Variants in ASTN2 observed in about 807,000 individuals in gnomAD.
ASTN2 encodes astrotactin 2, also known as astrotactin-2.
ASTN2 carries 54 observed loss-of-function variants against 139.8 expected under a neutral mutation model. That is an observed-to-expected ratio of 0.39 (90% confidence interval 0.31 to 0.48). ASTN2 has a LOEUF of 0.48. ASTN2 is among the 20% of genes least tolerant of loss of function. ASTN2 has a pLI of 0.95. For synonymous variants in ASTN2, 756 were observed against 719.5 expected (o/e 1.05, Z -0.81); for missense variants, 1,565 against 1,725.1 (o/e 0.91, Z 1.64).
intron 19 of ASTN2, among the ~76,000 whole-genome samples, chr9:116,604,667 C>T (rs1248814179): frequency 1.3e-5 from 2 of 152,210 alleles, no homozygotes; most frequent in Non-Finnish European, 1.5e-5. Context: ...TGCTCCATCA[C>T]AGCCACTGCT....
intron 16 of ASTN2, among the ~76,000 whole-genome samples, chr9:116,715,475 C>T (rs1485805924): frequency 6.6e-6 from 1 of 152,148 alleles, no homozygotes; most frequent in Non-Finnish European, 1.5e-5. Flanking sequence ...TTCCTCCCCA[C>T]CTTCCCAGTT....
At chr9:116,805,870 C>A (rs151189152) in intron 12 of ASTN2, 50 bp from the exon 13 acceptor site, 68 of 1,577,476 alleles carry the variant, frequency 4.3e-5, no homozygotes, top group Non-Finnish European at 5.7e-5. Flanking sequence ...TGAATGCCCC[C>A]ATTGGGGGTG....
intron 2 of ASTN2, among the ~76,000 whole-genome samples, chr9:117,255,361 C>T (rs1833655979): frequency 6.6e-6 from 1 of 152,232 alleles, no homozygotes; most frequent in Non-Finnish European, 1.5e-5. Context: ...CTACCATGTG[C>T]TAAAGCACCT....
At chr9:116,995,688 T>C (rs929655979) in intron 7 of ASTN2, among the ~76,000 whole-genome samples, 3 of 152,160 alleles carry the variant, frequency 2.0e-5, no homozygotes. Context: ...ACTTCTAGGT[T>C]TCAAATCTAG....
chr9:116,576,290 C>T (rs1183149970), intron 19 of ASTN2, among the ~76,000 whole-genome samples: 1 of 152,166 alleles, frequency 6.6e-6, no homozygotes, highest in Non-Finnish European at 1.5e-5. Context: ...TCATGACAAC[C>T]TTGTGAATGG....
At chr9:116,573,456 T>A in intron 19 of ASTN2, among the ~76,000 whole-genome samples, 1 of 152,230 alleles carries the variant, frequency 6.6e-6, no homozygotes, top group East Asian at 1.9e-4. Flanking sequence ...TCTTATGAAT[T>A]TCTAAGAAAG....
intron 19 of ASTN2, among the ~76,000 whole-genome samples, chr9:116,549,032 T>C (rs1023273780): frequency 1.3e-5 from 2 of 152,206 alleles, no homozygotes; most frequent in African/African-American, 4.8e-5. Context: ...TTTTGGTCTT[T>C]AAAGTATCAT....
At chr9:116,940,762 G>A (rs571703209) in intron 10 of ASTN2, among the ~76,000 whole-genome samples, 44 of 152,120 alleles carry the variant, frequency 2.9e-4, no homozygotes, top group Admixed American at 4.6e-4. Flanking sequence ...AGTAGTATCC[G>A]GTAATGTCCT....
At chr9:116,551,137 G>C (rs1445715538) in intron 19 of ASTN2, 1 of 152,164 alleles carries the variant, frequency 6.6e-6, no homozygotes, top group Non-Finnish European at 1.5e-5. Context: ...CCTGGGGAGA[G>C]TGTAAAAAAA....
At chr9:116,830,572 A>G (rs184590362) in intron 11 of ASTN2, among the ~76,000 whole-genome samples, 4 of 152,060 alleles carry the variant, frequency 2.6e-5, no homozygotes, top group Non-Finnish European at 5.9e-5. Context: ...CAGGTGGATC[A>G]CTAGAGGCCA....
At chr9:117,200,118 A>G (rs1831654675) in intron 3 of ASTN2, among the ~76,000 whole-genome samples, 1 of 151,430 alleles carries the variant, frequency 6.6e-6, no homozygotes, top group African/African-American at 2.4e-5. Flanking sequence ...TTTAGGGTAC[A>G]TGTGCGCAAT....
intron 5 of ASTN2, among the ~76,000 whole-genome samples, chr9:117,065,895 C>T (rs910265347): frequency 1.3e-5 from 2 of 152,174 alleles, no homozygotes; most frequent in South Asian, 4.2e-4. Flanking sequence ...CTGTCACTTT[C>T]TTCGTAAGTA....
intron 3 of ASTN2, among the ~76,000 whole-genome samples, chr9:117,177,872 A>C (rs969995163): frequency 1.3e-5 from 2 of 152,094 alleles, no homozygotes; most frequent in African/African-American, 4.8e-5. Context: ...TTCAGGAATA[A>C]ATCTGAACTT....
intron 11 of ASTN2, among the ~76,000 whole-genome samples, chr9:116,837,020 G>T (rs1039085791): frequency 6.6e-6 from 1 of 152,076 alleles, no homozygotes; most frequent in East Asian, 1.9e-4. Context: ...AAGGCACCTG[G>T]AGTTTATTCT....
intron 11 of ASTN2, among the ~76,000 whole-genome samples, chr9:116,849,613 T>C (rs1832537388): frequency 6.6e-6 from 1 of 152,216 alleles, no homozygotes; most frequent in South Asian, 2.1e-4. Context: ...GAGACAGGAT[T>C]TGAACCTGTA....
rs143943809 is a variant in ASTN2, at chr9:117,012,729, G to T, written c.1424-4470C>A. Among the ~76,000 whole-genome samples the T allele has an allele frequency of 7.6e-3, 1,156 of 152,334 alleles. 14 individuals are homozygous for T. The highest frequency in any genetic ancestry group is 0.034 in the Middle Eastern group (10 of 294). ...GACATAATGAACTGTTCCCTCCAGAGTAAGTGGGAGTAAGTGGCCACCTGT... is the reference window on the plus strand; with the variant it reads ...GACATAATGAACTGTTCCCTCCAGATTAAGTGGGAGTAAGTGGCCACCTGT... On this transcript the variant is annotated intron_variant, in intron 6 of 22. Coordinates refer to ENST00000313400, the MANE Select transcript of ASTN2 (RefSeq NM_001365068.1).
intron 17 of ASTN2, among the ~76,000 whole-genome samples, chr9:116,629,544 C>A (rs182765626): frequency 6.6e-6 from 1 of 152,254 alleles, no homozygotes; most frequent in Non-Finnish European, 1.5e-5. Context: ...AGCAGTGCCC[C>A]CTGAACTTCT....
chr9:117,323,088 C>G (rs182360061), intron 1 of ASTN2, among the ~76,000 whole-genome samples: 75 of 152,228 alleles, frequency 4.9e-4, no homozygotes, highest in African/African-American at 1.7e-3. Context: ...GTTAGATTGA[C>G]AGTCCTGGGG....
At chr9:116,772,309 C>T (rs1393909407) in intron 13 of ASTN2, among the ~76,000 whole-genome samples, 5 of 152,118 alleles carry the variant, frequency 3.3e-5, no homozygotes, top group Non-Finnish European at 7.4e-5. Flanking sequence ...GTGAGTAAGT[C>T]TCACGAGATC....
Sources: allele counts gnomAD v4.1 joint callset (sites outside exome capture counted in the v4.1 genomes callset), GRCh38; gene constraint gnomAD v4.1.1; transcripts MANE v1.5; gene names NCBI Gene and HGNC (gene_info 2026-07-23, HGNC 2026-07-21).